UGT3A1: variants seen among roughly 807,000 people sequenced by gnomAD.
UGT3A1 encodes UDP-glycosyltransferase 3A1.
UGT3A1 carries 40 observed loss-of-function variants against 37.6 expected under a neutral mutation model. That is an observed-to-expected ratio of 1.06 (90% CI 0.83 to 1.38). The LOEUF is 1.38. Among genes scored for constraint, UGT3A1 ranks in the 40% most tolerant of loss-of-function variants. The pLI is 0.00. For missense variants in UGT3A1, 642 were observed against 634.2 expected, an observed-to-expected ratio of 1.01 and a Z score of -0.13; for synonymous variants, 256 against 232.3, an observed-to-expected ratio of 1.10 and a Z score of -0.93.
chr5:35,991,482 G>A, upstream of UGT3A1: 3 of 1,337,006 alleles, frequency 2.2e-6, no homozygotes, highest in Non-Finnish European at 2.9e-6. Flanking sequence ...AAGTCAGTAG[G>A]AGGGGGTTGG....
At chr5:35,981,553 G>A (rs1413831023) in intron 2 of UGT3A1, among the ~76,000 whole-genome samples, 1 of 152,194 alleles carries the variant, frequency 6.6e-6, no homozygotes, top group Non-Finnish European at 1.5e-5. Flanking sequence ...AGGATATCTG[G>A]CTGAAGAAAT....
chr5:35,974,181 G>A (rs1304730570), intron 2 of UGT3A1, among the ~76,000 whole-genome samples: 2 of 152,098 alleles, frequency 1.3e-5, no homozygotes, highest in African/African-American at 4.8e-5. Flanking sequence ...CTTTTTACTA[G>A]TGTGGCTAGG....
rs151218169 is a variant in UGT3A1, at chr5:35,980,575, A to G, written c.196+7875T>C. On this transcript the variant is annotated intron_variant, in intron 2 of 6. Transcript: ENST00000274278. ...GAATGACTACCAGAAATAATCAAGT[A>G]GAATAATACCCAGACATCATACAAG... 3.3e-4 allele frequency among the ~76,000 whole-genome samples: 51 copies of G among 152,352 alleles called. No homozygotes were observed. The East Asian group carries it at 9.1e-3, about 27-fold the overall frequency.
chr5:35,975,231 C>G (rs927406058), intron 2 of UGT3A1, among the ~76,000 whole-genome samples: 4 of 152,182 alleles, frequency 2.6e-5, no homozygotes, highest in African/African-American at 9.7e-5. Context: ...GCATATCAAA[C>G]TGGACTTCCA....
chr5:35,973,298 G>T (rs539054506), intron 2 of UGT3A1, among the ~76,000 whole-genome samples: 4 of 152,234 alleles, frequency 2.6e-5, no homozygotes, highest in East Asian at 3.9e-4. Context: ...CCATAAGAAG[G>T]TTCACTATAC....
chr5:35,962,879 G>A lies in UGT3A1; in HGVS notation c.843+2507C>T, dbSNP rs534858749. 6 of 702,772 alleles carry A rather than the reference G, an allele frequency of 8.5e-6. No individual in the cohort carries two copies. The East Asian group carries it at 1.3e-4, about 16-fold the overall frequency. 43.5% of individuals were successfully genotyped at this position (702,772 alleles called of 1,614,324 possible). A position where few individuals can be genotyped will look rare whatever the true frequency, so the allele number is the denominator to read the frequency against. ...TTTCCTCCAGATTCTGAGGGTCAAA[G>A]CCATCTCAGTGGTTCAGGATACACT... On this transcript the variant is annotated intron_variant, in intron 4 of 6. Transcript: ENST00000274278.
At chr5:35,962,936 G>A (rs930733964) in intron 4 of UGT3A1, 1 of 702,936 alleles carries the variant, frequency 1.4e-6, no homozygotes, top group South Asian at 1.5e-5. Context: ...GTGGTGAAGA[G>A]AGCTGGTTGC....
At chr5:35,978,322 A>C (rs1462371049) in intron 2 of UGT3A1, among the ~76,000 whole-genome samples, 1 of 152,090 alleles carries the variant, frequency 6.6e-6, no homozygotes, top group African/African-American at 2.4e-5. Context: ...AGCATGAACC[A>C]CTCTGTATTA....
chr5:35,964,055 A>G (rs952373165), intron 4 of UGT3A1, among the ~76,000 whole-genome samples: 1 of 151,782 alleles, frequency 6.6e-6, no homozygotes. Flanking sequence ...GCACAACAAT[A>G]TAAGTGTACT....
At chr5:35,988,923 T>C (rs112518739) in intron 1 of UGT3A1, among the ~76,000 whole-genome samples, 34 of 152,186 alleles carry the variant, frequency 2.2e-4, no homozygotes, top group Admixed American at 5.2e-4. Flanking sequence ...GTCTCCAAAA[T>C]ATAACTGCAA....
chr5:35,957,840 C>T (rs954123958), intron 4 of UGT3A1, among the ~76,000 whole-genome samples: 1 of 152,076 alleles, frequency 6.6e-6, no homozygotes, highest in Non-Finnish European at 1.5e-5. Flanking sequence ...AAGGTGTAGT[C>T]TGCTGTTGTT....
rs764469473 is a variant in UGT3A1 at position 35,965,656 on chromosome 5, C to T, written c.573G>A (p.Leu191=). 1 of 1,614,154 alleles carries T rather than the reference C, an allele frequency of 6.2e-7. No homozygotes were observed. Among genetic ancestry groups the T allele is most frequent in the Non-Finnish European group, 8.5e-7 (1 of 1,180,028 alleles). Residue 191 remains leucine (L), a synonymous_variant, in exon 4 of 7, where the codon CTG becomes CTA. Transcript: ENST00000274278. ...GGCCCCAGAAGTCCATGTGATCAGT[C>T]AGCAAGGAAGGGAATACTGGAACAT... ...LSYVPVFPSL[L]TDHMDFWGRV...
intron 1 of UGT3A1, among the ~76,000 whole-genome samples, chr5:35,990,438 ACTTC>A (rs1740898561): frequency 6.6e-6 from 1 of 151,996 alleles, no homozygotes; most frequent in Admixed American, 6.6e-5. Flanking sequence ...TTCATCTTCT[ACTTC>A]CTTTGAAATA....
intron 2 of UGT3A1, among the ~76,000 whole-genome samples, chr5:35,976,970 G>A (rs1453894325): frequency 6.7e-6 from 1 of 148,598 alleles, no homozygotes; most frequent in African/African-American, 2.5e-5. Context: ...AAGAGAGAAA[G>A]GGAGAAAGAG....
At chr5:35,964,451 C>T (rs1490000533) in intron 4 of UGT3A1, among the ~76,000 whole-genome samples, 2 of 152,128 alleles carry the variant, frequency 1.3e-5, no homozygotes, top group Non-Finnish European at 2.9e-5. Flanking sequence ...CTAAATACAC[C>T]TACCACCAAT....
intron 2 of UGT3A1, among the ~76,000 whole-genome samples, chr5:35,974,340 G>T (rs1740171279): frequency 6.6e-6 from 1 of 152,142 alleles, no homozygotes; most frequent in Non-Finnish European, 1.5e-5. Context: ...GATATACTCG[G>T]TATTGGCAGA....
At position 35,965,247 on chromosome 5, in the gene UGT3A1, T is replaced by A. The variant is rs150473554; in HGVS notation, c.843+139A>T. 1.7e-3 allele frequency: 2,211 copies of A among 1,325,984 alleles called. 25 individuals are homozygous for A. The African/African-American group carries it at 0.028, about 17-fold the overall frequency. 82.1% of individuals were successfully genotyped at this position (1,325,984 alleles called of 1,614,324 possible). A position where few individuals can be genotyped will look rare whatever the true frequency, so the allele number is the denominator to read the frequency against. ...TTGCCAAACCCTGAAAGTCAGCACTTCCTTTAAGAACGTGCCCTAGGTGCC... is the reference window on the plus strand; with the variant it reads ...TTGCCAAACCCTGAAAGTCAGCACTACCTTTAAGAACGTGCCCTAGGTGCC... On this transcript the variant is annotated intron_variant, in intron 4 of 6. Coordinates refer to ENST00000274278, the MANE Select transcript of UGT3A1 (RefSeq NM_152404.4).
At chr5:35,960,037 GAC>G (rs1739515367) in intron 4 of UGT3A1, among the ~76,000 whole-genome samples, 1 of 152,064 alleles carries the variant, frequency 6.6e-6, no homozygotes, top group Non-Finnish European at 1.5e-5. Context: ...AAAGAAAGTA[GAC>G]ACACACACAA....
intron 4 of UGT3A1, among the ~76,000 whole-genome samples, chr5:35,958,761 C>T (rs537483769): frequency 5.6e-4 from 86 of 152,330 alleles, no homozygotes; most frequent in African/African-American, 2.0e-3. Context: ...CCACAGTCCA[C>T]AGGCAAAAGC....
Sources: gnomAD v4.1 joint callset for allele counts (sites outside exome capture counted in the v4.1 genomes callset) on GRCh38, gnomAD v4.1.1 for gene constraint, MANE v1.5 for transcripts, NCBI Gene and HGNC (gene_info 2026-07-23, HGNC 2026-07-21) for gene names.